Variants in TENM2 observed in about 807,000 individuals in gnomAD.
TENM2 encodes teneurin-2.
Under a neutral mutation model 245.2 loss-of-function variants are expected in TENM2, and 52 were observed. The ratio of observed to expected loss-of-function variants is 0.21; its 90% CI spans 0.17 to 0.27. TENM2 has a LOEUF of 0.27. Among genes scored for constraint, TENM2 ranks in the 10% least tolerant of loss-of-function variants. The pLI is 1.00. For synonymous variants in TENM2, 1,363 were observed against 1,438.9 expected (o/e 0.95, Z 1.19); for missense variants, 3,046 against 3,666.8 (o/e 0.83, Z 4.37).
chr5:167,296,759 C>T (rs991571938), intron 1 of TENM2, among the ~76,000 whole-genome samples: 2 of 152,210 alleles, frequency 1.3e-5, no homozygotes, highest in African/African-American at 4.8e-5. Context: ...CACTCTGACT[C>T]CATTTGTCTG....
the TENM2 span, among the ~76,000 whole-genome samples, chr5:166,997,816 C>T: frequency 2.6e-5 from 4 of 151,994 alleles, no homozygotes; most frequent in Admixed American, 2.6e-4. Context: ...TGCTAAGTGC[C>T]GGGGATACTA....
chr5:167,689,326 CT>C (rs1757275156), intron 2 of TENM2, among the ~76,000 whole-genome samples: 2 of 152,292 alleles, frequency 1.3e-5, no homozygotes, highest in South Asian at 4.1e-4. Flanking sequence ...CCCATCCGAG[CT>C]TTTCTGCATC....
the TENM2 span, among the ~76,000 whole-genome samples, chr5:167,228,262 T>G: frequency 6.6e-6 from 1 of 152,070 alleles, no homozygotes; most frequent in East Asian, 2.0e-4. Context: ...ACTCCTGACC[T>G]CAAGTGATCT....
chr5:167,039,387 G>A, the TENM2 span, among the ~76,000 whole-genome samples: 1 of 152,130 alleles, frequency 6.6e-6, no homozygotes, highest in Non-Finnish European at 1.5e-5. Context: ...ACGTTTCTAG[G>A]TATTGATAGG....
At chr5:167,519,650 C>T (rs953023136) in intron 2 of TENM2, among the ~76,000 whole-genome samples, 3 of 152,126 alleles carry the variant, frequency 2.0e-5, no homozygotes, top group Admixed American at 2.0e-4. Flanking sequence ...TTGTATACCT[C>T]TAACTAAAGC....
intron 7 of TENM2, among the ~76,000 whole-genome samples, chr5:168,063,773 C>T (rs552622646): frequency 1.3e-5 from 2 of 152,250 alleles, no homozygotes; most frequent in South Asian, 4.1e-4. Context: ...TATCAATCGA[C>T]CATTGTTGGC....
intron 5 of TENM2, among the ~76,000 whole-genome samples, chr5:167,996,285 A>G (rs902088438): frequency 1.3e-5 from 2 of 152,042 alleles, no homozygotes; most frequent in Non-Finnish European, 1.5e-5. Flanking sequence ...TCCTACCCAC[A>G]CAGCTGGGGT....
At chr5:167,857,182 T>G (rs1005461268) in intron 2 of TENM2, among the ~76,000 whole-genome samples, 20 of 152,156 alleles carry the variant, frequency 1.3e-4, no homozygotes, top group African/African-American at 4.3e-4. Flanking sequence ...AAGTGGAACA[T>G]GTATAAAGGA....
intron 2 of TENM2, among the ~76,000 whole-genome samples, chr5:167,403,268 T>C (rs796911622): frequency 6.6e-6 from 1 of 151,996 alleles, no homozygotes; most frequent in African/African-American, 2.4e-5. Context: ...AAAATGCTTT[T>C]TGGGATGCCA....
chr5:167,024,563 T>C, the TENM2 span, among the ~76,000 whole-genome samples: 1 of 152,208 alleles, frequency 6.6e-6, no homozygotes, highest in Non-Finnish European at 1.5e-5. Flanking sequence ...GAATCAGATT[T>C]GGGTTGGGAG....
chr5:167,030,729 A>G, the TENM2 span, among the ~76,000 whole-genome samples: 1 of 152,166 alleles, frequency 6.6e-6, no homozygotes, highest in African/African-American at 2.4e-5. Context: ...GGGTCCTACC[A>G]GCAGGGGGTG....
At chr5:167,834,751 G>A (rs575264875) in intron 2 of TENM2, among the ~76,000 whole-genome samples, 1 of 150,862 alleles carries the variant, frequency 6.6e-6, no homozygotes, top group East Asian at 2.0e-4. Flanking sequence ...CCAGGTTCAT[G>A]CCATTCTCCT....
chr5:167,682,440 G>C (rs1200618120), intron 2 of TENM2, among the ~76,000 whole-genome samples: 1 of 152,032 alleles, frequency 6.6e-6, no homozygotes, highest in African/African-American at 2.4e-5. Flanking sequence ...TGGGATTACA[G>C]GCATGAGCCA....
exon 11 of TENM2, chr5:168,124,977 G>T (rs765610050): frequency 6.2e-7 from 1 of 1,611,420 alleles, no homozygotes; most frequent in Non-Finnish European, 8.5e-7. Flanking sequence ...AGTGCAGTGG[G>T]CATGGCACGT....
intron 2 of TENM2, among the ~76,000 whole-genome samples, chr5:167,486,919 T>C (rs1487887627): frequency 6.6e-6 from 1 of 152,182 alleles, no homozygotes; most frequent in Non-Finnish European, 1.5e-5. Context: ...AAGTGAGCAA[T>C]TATGTTTCAC....
chr5:167,264,069 C>T, the TENM2 span, among the ~76,000 whole-genome samples: 1 of 149,260 alleles, frequency 6.7e-6, no homozygotes. Context: ...CATGCCACTG[C>T]ACTCTAGCCT....
intron 5 of TENM2, among the ~76,000 whole-genome samples, chr5:167,999,065 G>T (rs910907496): frequency 6.6e-6 from 1 of 152,158 alleles, no homozygotes; most frequent in Non-Finnish European, 1.5e-5. Context: ...GACAGAAAAT[G>T]ATGAGAATGG....
the TENM2 span, among the ~76,000 whole-genome samples, chr5:167,090,996 TAA>T: frequency 1.3e-5 from 2 of 152,216 alleles, no homozygotes; most frequent in African/African-American, 4.8e-5. Flanking sequence ...CAAATTATAT[TAA>T]GTCAGTATTT....
At chr5:167,602,889 G>A (rs750069553) in intron 2 of TENM2, among the ~76,000 whole-genome samples, 1 of 152,174 alleles carries the variant, frequency 6.6e-6, no homozygotes, top group Non-Finnish European at 1.5e-5. Flanking sequence ...GTGGTCATGA[G>A]GAGGGCTTCC....
Sources: gnomAD v4.1 joint callset for allele counts (sites outside exome capture counted in the v4.1 genomes callset) on GRCh38, gnomAD v4.1.1 for gene constraint, MANE v1.5 for transcripts, NCBI Gene and HGNC (gene_info 2026-07-23, HGNC 2026-07-21) for gene names.